SLC2A11: variants seen among roughly 807,000 people sequenced by gnomAD.
The protein encoded by SLC2A11 is solute carrier family 2 member 11.
A neutral mutation model predicts 52.1 loss-of-function variants in SLC2A11; 43 were observed. That is an observed-to-expected ratio of 0.82 (90% CI 0.65 to 1.06). SLC2A11 has a LOEUF of 1.06. Ranked by LOEUF, SLC2A11 falls within the 50% of genes least tolerant of loss-of-function variation. The probability of loss-of-function intolerance (pLI) is 0.00; values close to 1 mark genes in which losing one functional copy is unlikely to be tolerated. For missense variants in SLC2A11, 582 were observed against 654.2 expected (o/e 0.89, Z 1.20); for synonymous variants, 261 against 277.6 (o/e 0.94, Z 0.59).
chr22:23,859,809 TAAATG>T (rs1438545505), intron 1 of SLC2A11, among the ~76,000 whole-genome samples: 1 of 152,220 alleles, frequency 6.6e-6, no homozygotes, highest in East Asian at 1.9e-4. Context: ...ATTTGACTAA[TAAATG>T]AATAAATAGT....
rs2298377 is a variant in SLC2A11 at position 23,877,342 on chromosome 22, T to C, written c.545+171T>C. ...TGCCAATTCACGAAATGGGTATCAG[T>C]CAACACACTGCAATGTGAATCACCT... On this transcript the variant is annotated intron_variant, in intron 5 of 11. Transcript: ENST00000316185. 4 of 1,085,804 alleles carry C rather than the reference T, an allele frequency of 3.7e-6. No homozygotes were observed. The East Asian group carries it at 1.0e-4, about 27-fold the overall frequency. 67.3% of individuals were successfully genotyped at this position (1,085,804 alleles called of 1,614,324 possible).
At chr22:23,877,322 A>T in intron 5 of SLC2A11, 151 bp downstream of exon 5, 1 of 1,282,584 alleles carries the variant, frequency 7.8e-7, no homozygotes, top group African/African-American at 1.5e-5. Context: ...TCTGCTGCCA[A>T]TTCACGAAAT....
rs369969201 is a variant in SLC2A11 at position 23,869,101 on chromosome 22, G to A, written c.290+460G>A. On this transcript the variant is annotated intron_variant, in intron 3 of 11. Transcript: ENST00000316185. ...ATGGTGGCTCACCCACATAATCCCA[G>A]CATTTTGGGAGGCTGAGCGGGGCAG... 3.5e-4 allele frequency: 59 copies of A among 166,212 alleles called. No homozygotes were observed. The South Asian group carries it at 4.4e-3, about 12-fold the overall frequency. The allele number at this position is 166,212 out of a possible 1,614,324, so 10.3% of individuals were successfully genotyped here.
rs369448246 is a variant in SLC2A11, at chr22:23,883,797, G to A, written c.1019G>A (p.Arg340Gln). ...TGTGTGGTAATCGAGAGGGTGGGTC[G>A]GCGCGTGCTGCTCATCGGTGGGTAC... Reference protein sequence around the residue: ...VSCVVIERVGRRVLLIGGYSL... With the variant: ...VSCVVIERVGQRVLLIGGYSL... The change falls in exon 9 of 12, where the codon CGG becomes CAG. Residue 340 changes from arginine to glutamine, a missense_variant. Coordinates refer to ENST00000316185, the MANE Select transcript of SLC2A11 (RefSeq NM_001024939.4). 12 of 1,551,464 alleles carry A rather than the reference G, an allele frequency of 7.7e-6. No individual in the cohort carries two copies. In the East Asian group the frequency reaches 9.3e-5, roughly 12 times the overall value.
intron 2 of SLC2A11, 124 bp downstream of exon 2, chr22:23,862,326 TG>T (rs1158629048): frequency 7.1e-6 from 6 of 849,434 alleles, no homozygotes; most frequent in African/African-American, 1.7e-5. Flanking sequence ...TTGTCTCCAT[TG>T]GGTTGGCCCA....
intron 1 of SLC2A11, among the ~76,000 whole-genome samples, chr22:23,861,277 C>G (rs2032050314): frequency 9.1e-6 from 1 of 110,428 alleles, no homozygotes; most frequent in African/African-American, 3.7e-5. Context: ...TGCGCCAGGC[C>G]AAGACTCAGT....
intron 6 of SLC2A11, chr22:23,880,588 T>C (rs1601511705): frequency 6.6e-6 from 1 of 152,224 alleles, no homozygotes; most frequent in Non-Finnish European, 1.5e-5. Context: ...TGCTTTAAGC[T>C]ATACCCTTGA....
At chr22:23,875,989 G>A (rs1218640602) in intron 4 of SLC2A11, among the ~76,000 whole-genome samples, 2 of 152,006 alleles carry the variant, frequency 1.3e-5, no homozygotes, top group African/African-American at 2.4e-5. Context: ...GCTCCCTCAC[G>A]TGCCATTGGC....
In SLC2A11 at chr22:23,884,569, C is replaced by A; in HGVS notation, c.1300-80C>A. The A allele has an allele frequency of 6.5e-7, 1 of 1,542,492 alleles. No individual in the cohort carries two copies. The highest frequency in any genetic ancestry group is 1.4e-5 in the African/African-American group (1 of 72,760). Reference sequence around the variant, plus strand: ...GGGGAGCAAAGAGGGGGGCAAATGCCTCCTCACGACCTGTCATGGGCCTTC... The same window carrying A: ...GGGGAGCAAAGAGGGGGGCAAATGCATCCTCACGACCTGTCATGGGCCTTC... On this transcript the variant is annotated intron_variant, in intron 11 of 11. Transcript: ENST00000316185. This position sits in a 1 kb window ranked among gnomAD's most constrained non-coding sequence, Gnocchi z 4.3.
intron 5 of SLC2A11, chr22:23,877,373 C>T (rs558880289): frequency 9.7e-6 from 9 of 927,784 alleles, no homozygotes. Flanking sequence ...CACCTTTTCC[C>T]ATCCTCTCCA....
intron 5 of SLC2A11, 127 bp from the exon 6 acceptor site, chr22:23,877,594 C>G (rs779977214): frequency 6.4e-6 from 8 of 1,258,056 alleles, no homozygotes; most frequent in Non-Finnish European, 9.0e-6. Flanking sequence ...CAGACCCAGA[C>G]TTGGATAGGA....
intron 6 of SLC2A11, among the ~76,000 whole-genome samples, chr22:23,880,178 G>A (rs1047183008): frequency 5.3e-5 from 8 of 149,646 alleles, no homozygotes; most frequent in East Asian, 2.0e-4. Flanking sequence ...GCTTGAACCC[G>A]AGAGGCGGAG....
chr22:23,862,300 A>AGAAAGTGCCAC, intron 2 of SLC2A11, 98 bp downstream of exon 2: 1 of 1,087,800 alleles, frequency 9.2e-7, no homozygotes, highest in Non-Finnish European at 1.4e-6. Context: ...ACTAGGTGGC[A>AGAAAGTGCCAC]CTTTCTGCCA....
upstream of SLC2A11, chr22:23,857,671 G>A (rs2031896168): frequency 2.7e-6 from 3 of 1,112,624 alleles, no homozygotes; most frequent in Admixed American, 2.4e-5. Context: ...CCGCGCATGC[G>A]CCTCAGGCGC....
At chr22:23,863,181 A>C (rs1231967374) in intron 2 of SLC2A11, among the ~76,000 whole-genome samples, 3 of 152,136 alleles carry the variant, frequency 2.0e-5, no homozygotes, top group Non-Finnish European at 4.4e-5. Flanking sequence ...GCCTCCTTCC[A>C]CGGAGGGGCC....
intron 1 of SLC2A11, 103 bp downstream of exon 1, chr22:23,858,132 T>A (rs959580748): frequency 2.8e-6 from 4 of 1,446,440 alleles, no homozygotes; most frequent in Non-Finnish European, 3.8e-6. Flanking sequence ...AACTAAGTCG[T>A]CAAATGTTCA....
At chr22:23,857,016 T>C, upstream of SLC2A11, 3 of 1,434,798 alleles carry the variant, frequency 2.1e-6, no homozygotes, top group South Asian at 1.1e-5. Context: ...CGGTCTTTCC[T>C]AATTTTCCCG....
At chr22:23,882,387 G>T (rs189336204) in intron 6 of SLC2A11, 72 bp from the exon 7 acceptor site, 3 of 1,329,844 alleles carry the variant, frequency 2.3e-6, no homozygotes, top group Non-Finnish European at 2.0e-6. Flanking sequence ...TGGGATGGAG[G>T]GGGGCGTCCC....
Position 23,877,138 on chromosome 22 carries a change from T to C in SLC2A11, c.512T>C (p.Leu171Pro). 6.2e-7 allele frequency: 1 copy of C among 1,613,470 alleles called. No homozygotes were observed. Among genetic ancestry groups the C allele is most frequent in the Non-Finnish European group, 8.5e-7 (1 of 1,179,746 alleles). Residue 171 changes from leucine to proline, a missense_variant, in exon 5 of 12, where the codon CTG becomes CCG. Transcript: ENST00000316185. ...ATGAGCTCAGCCATCTTTACGGCTCTGGGGATCGTGATGGGACAGGTGGTC... is the reference window on the plus strand; with the variant it reads ...ATGAGCTCAGCCATCTTTACGGCTCCGGGGATCGTGATGGGACAGGTGGTC... Reference protein sequence around the residue: ...VAMSSAIFTALGIVMGQVVGL... With the variant: ...VAMSSAIFTAPGIVMGQVVGL...
Sources: gnomAD v4.1 joint callset for allele counts (sites outside exome capture counted in the v4.1 genomes callset) on GRCh38, gnomAD v4.1.1 for gene constraint, Gnocchi (gnomAD v3.1) non-coding constraint, MANE v1.5 for transcripts, NCBI Gene and HGNC (gene_info 2026-07-23, HGNC 2026-07-21) for gene names.